The following LRRC4B variants were observed in gnomAD, a reference collection of about 807,000 sequenced individuals.
LRRC4B encodes leucine rich repeat containing 4B.
LRRC4B carries 1 observed loss-of-function variant against 7.3 expected under a neutral mutation model. The observed-to-expected ratio is 0.14, with a 90% CI of 0.05 to 0.65. The LOEUF (loss-of-function observed/expected upper bound fraction) is 0.65. LRRC4B is among the 30% of genes least tolerant of loss of function. The pLI, the probability that LRRC4B is intolerant of heterozygous loss-of-function variation, is 0.84. For missense variants in LRRC4B, 730 were observed against 1,041.6 expected (o/e 0.70, Z 4.12); for synonymous variants, 500 against 499.2 (o/e 1.00, Z -0.02).
rs999835637 is a variant in LRRC4B, at chr19:50,548,824, G to A, written c.15C>T (p.Arg5=). Residue 5 remains arginine, a synonymous_variant, in exon 2 of 3, where the codon CGC becomes CGT. Transcript: ENST00000652263. The surrounding 1 kb of genome is among the most constrained non-coding windows in gnomAD (Gnocchi z 6.8). ...GCGGCAGCGGGGGGCACGGGGAGCC[G>A]CGGGCACGCGCCATCCTCAATGTTC... MARA[R]GSPCPPLPPG... is the part of the protein sequence containing the mutation. 7.4e-6 allele frequency: 11 copies of A among 1,485,950 alleles called. No individual in the cohort carries two copies. The highest frequency in any genetic ancestry group is 5.6e-5 in the African/African-American group (4 of 71,812). 92.0% of individuals were successfully genotyped at this position (1,485,950 alleles called of 1,614,324 possible).
At chr19:50,531,261 C>A (rs1464456808) in intron 2 of LRRC4B, among the ~76,000 whole-genome samples, 1 of 152,248 alleles carries the variant, frequency 6.6e-6, no homozygotes, top group Non-Finnish European at 1.5e-5. Context: ...GAGACCAAGG[C>A]TCGGTGAAGT....
chr19:50,525,715 C>T (rs539434462), intron 2 of LRRC4B, among the ~76,000 whole-genome samples: 16 of 152,104 alleles, frequency 1.1e-4, no homozygotes, highest in South Asian at 6.2e-4. Flanking sequence ...CCACCCTCCC[C>T]GGCAAGAACT....
intron 1 of LRRC4B, among the ~76,000 whole-genome samples, chr19:50,558,208 CACACACACACACACACACAT>C (rs1364931082): frequency 1.5e-5 from 2 of 134,036 alleles, no homozygotes; most frequent in Admixed American, 1.4e-4. Context: ...CATACACACA[CACACACACACACACACACAT>C]ACACACACAC....
At chr19:50,526,129 C>T (rs1980798448) in intron 2 of LRRC4B, among the ~76,000 whole-genome samples, 1 of 152,154 alleles carries the variant, frequency 6.6e-6, no homozygotes, top group East Asian at 1.9e-4. Context: ...ATAAGACTCT[C>T]CCATGCCCCG....
chr19:50,565,835 C>A (rs963473507), intron 1 of LRRC4B, among the ~76,000 whole-genome samples: 5 of 134,438 alleles, frequency 3.7e-5, no homozygotes, highest in Admixed American at 7.2e-5. Context: ...GTCCCCGGCT[C>A]CCCGACTCTT....
intron 2 of LRRC4B, among the ~76,000 whole-genome samples, chr19:50,532,021 G>T (rs924414374): frequency 3.3e-5 from 5 of 152,180 alleles, no homozygotes; most frequent in Admixed American, 2.6e-4. Context: ...TCAGGAGTTC[G>T]AGACCAGCCT....
At position 50,567,620 on chromosome 19, in the gene LRRC4B, C is replaced by T. The variant is rs1168945175; in HGVS notation, c.-36+324G>A. On this transcript the variant is annotated intron_variant, in intron 1 of 2. Transcript: ENST00000652263. ...GCCCGGACCTACGCCCGGAGAGCCC[C>T]CCACCCTAAGCCTACTTCCTCAGCC... 1.3e-3 allele frequency among the ~76,000 whole-genome samples: 204 copies of T among 151,626 alleles called. 2 individuals carry two copies. Among genetic ancestry groups the T allele is most frequent in the Non-Finnish European group, 3.7e-4 (25 of 67,810 alleles).
At chr19:50,525,743 C>T (rs1373739993) in intron 2 of LRRC4B, among the ~76,000 whole-genome samples, 1 of 152,038 alleles carries the variant, frequency 6.6e-6, no homozygotes, top group Non-Finnish European at 1.5e-5. Context: ...TGCATCCTTT[C>T]CCGCAGAAAA....
In LRRC4B at chr19:50,553,812, C is replaced by T. The variant is rs953357797; in HGVS notation, c.-35-4939G>A. ...CACTGGGTGCAGGGACGGATGGGTA[C>T]GTTATCATCACTGTGAGTCTATTTC... is the stretch of plus-strand genomic sequence containing the variant. On this transcript the variant is annotated intron_variant, in intron 1 of 2. Transcript: ENST00000652263. The surrounding 1 kb of genome is among the most constrained non-coding windows in gnomAD (Gnocchi z 4.2). Among the ~76,000 whole-genome samples the T allele has an allele frequency of 6.6e-6, 1 of 151,912 alleles. No individual in the cohort carries two copies. Among genetic ancestry groups the T allele is most frequent in the East Asian group, 1.9e-4 (1 of 5,176 alleles).
Position 50,567,715 on chromosome 19 carries a change from A to AC in LRRC4B, c.-36+228dup, listed in dbSNP as rs1238304688. ...CTGTCCCCAGGCAGCGGCGACAACCACCCCCCCCACAGCACAGAACTCGCC... is the reference window on the plus strand; with the variant it reads ...CTGTCCCCAGGCAGCGGCGACAACCACCCCCCCCCACAGCACAGAACTCGCC... On this transcript the variant is annotated intron_variant, in intron 1 of 2. Coordinates refer to ENST00000652263, the MANE Select transcript of LRRC4B (RefSeq NM_001080457.2). Among the ~76,000 whole-genome samples, 53 of 62,052 alleles carry AC rather than the reference A, an allele frequency of 8.5e-4. 1 individual carries two copies. The highest frequency in any genetic ancestry group is 4.0e-3 in the South Asian group (6 of 1,510). 40.7% of individuals were successfully genotyped at this position (62,052 alleles called of 152,430 possible). A position where few individuals can be genotyped will look rare whatever the true frequency, so the allele number is the denominator to read the frequency against.
chr19:50,546,438 C>T (rs546155300), intron 2 of LRRC4B, among the ~76,000 whole-genome samples: 2 of 152,270 alleles, frequency 1.3e-5, no homozygotes, highest in South Asian at 2.1e-4. Context: ...GGAGGCCAAG[C>T]CCACTGACAA....
rs1488336369 is a variant in LRRC4B at position 50,555,353 on chromosome 19, A to G, written c.-35-6480T>C. On this transcript the variant is annotated intron_variant, in intron 1 of 2. Transcript: ENST00000652263. This position sits in a 1 kb window ranked among gnomAD's most constrained non-coding sequence, Gnocchi z 5.2. ...CCTCTCCCACCGCAGCTGCCCCGGG[A>G]GAGGACCCATCACAAGGGTACACCT... 1 of 152,440 alleles carries G rather than the reference A, an allele frequency of 6.6e-6. No homozygotes were observed. Among genetic ancestry groups the G allele is most frequent in the African/African-American group, 2.4e-5 (1 of 41,426 alleles). The allele number at this position is 152,440 out of a possible 1,614,324, so 9.4% of individuals were successfully genotyped here. A position where few individuals can be genotyped will look rare whatever the true frequency, so the allele number is the denominator to read the frequency against.
In LRRC4B at chr19:50,517,235, C is replaced by T. The variant is rs1400224649; in HGVS notation, c.*336G>A. ...GGACACCCCTGGAGAAAGCTCCTCTCTCCCCTGGAAGGCGGCGGGCCCGGA... is the reference window on the plus strand; with the variant it reads ...GGACACCCCTGGAGAAAGCTCCTCTTTCCCCTGGAAGGCGGCGGGCCCGGA... On this transcript the variant is annotated 3_prime_UTR_variant, in exon 3 of 3. Coordinates refer to ENST00000652263, the MANE Select transcript of LRRC4B (RefSeq NM_001080457.2). The surrounding 1 kb of genome is among the most constrained non-coding windows in gnomAD (Gnocchi z 6.6). 1 of 223,134 alleles carries T rather than the reference C, an allele frequency of 4.5e-6. No homozygotes were observed. Among genetic ancestry groups the T allele is most frequent in the African/African-American group, 2.3e-5 (1 of 44,204 alleles). The allele number at this position is 223,134 out of a possible 1,614,324, so 13.8% of individuals were successfully genotyped here.
At chr19:50,566,760 T>TG (rs1185866956) in intron 1 of LRRC4B, among the ~76,000 whole-genome samples, 5 of 125,752 alleles carry the variant, frequency 4.0e-5, no homozygotes, top group African/African-American at 1.2e-4. Context: ...GAGCTAGGAT[T>TG]GGGGGGGTCT....
intron 1 of LRRC4B, chr19:50,558,027 A>G (rs955302923): frequency 2.6e-5 from 4 of 152,190 alleles, no homozygotes; most frequent in African/African-American, 9.7e-5. Context: ...AGGATAGAAT[A>G]CATTTAACAT....
At chr19:50,522,997 A>G (rs1022484941) in intron 2 of LRRC4B, among the ~76,000 whole-genome samples, 3 of 152,254 alleles carry the variant, frequency 2.0e-5, no homozygotes, top group Non-Finnish European at 2.9e-5. Flanking sequence ...AAGGTCACAC[A>G]GAAGTGGACA....
At chr19:50,531,747 C>T (rs896511661) in intron 2 of LRRC4B, among the ~76,000 whole-genome samples, 3 of 152,166 alleles carry the variant, frequency 2.0e-5, no homozygotes, top group African/African-American at 7.2e-5. Context: ...CCTGAACTCC[C>T]TGGTGGCCTC....
chr19:50,520,203 C>CAAAAAAAAAAAAAAAAAA (rs1173919963), intron 2 of LRRC4B, among the ~76,000 whole-genome samples: 3 of 9,382 alleles, frequency 3.2e-4, no homozygotes, highest in Non-Finnish European at 5.7e-4. Context: ...AATACCCTGT[C>CAAAAAAAAAAAAAAAAAA]AAAAAAAAAA....
In LRRC4B at chr19:50,553,186, C is replaced by G. The variant is rs186362754; in HGVS notation, c.-35-4313G>C. On this transcript the variant is annotated intron_variant, in intron 1 of 2. Coordinates refer to ENST00000652263, the MANE Select transcript of LRRC4B (RefSeq NM_001080457.2). The surrounding 1 kb of genome is among the most constrained non-coding windows in gnomAD (Gnocchi z 4.2). Reference sequence around the variant, plus strand: ...ACCTGGCTCCCATCTCCCTCTTGAACGATTACAGTGTCCTCCCCTCCAGCC... The same window carrying G: ...ACCTGGCTCCCATCTCCCTCTTGAAGGATTACAGTGTCCTCCCCTCCAGCC... Among the ~76,000 whole-genome samples, 436 of 152,274 alleles carry G rather than the reference C, an allele frequency of 2.9e-3. No individual in the cohort carries two copies. The highest frequency in any genetic ancestry group is 9.9e-3 in the African/African-American group (412 of 41,556).
Sources: gnomAD v4.1 joint callset for allele counts (sites outside exome capture counted in the v4.1 genomes callset) on GRCh38, gnomAD v4.1.1 for gene constraint, Gnocchi (gnomAD v3.1) non-coding constraint, MANE v1.5 for transcripts, NCBI Gene and HGNC (gene_info 2026-07-23, HGNC 2026-07-21) for gene names.